Variants in CFAP299 observed in about 807,000 individuals in gnomAD.
The protein encoded by CFAP299 is cilia and flagella associated protein 299.
A neutral mutation model predicts 27.0 loss-of-function variants in CFAP299; 21 were observed. That is an observed-to-expected ratio of 0.78 (90% CI 0.55 to 1.12). CFAP299 has a LOEUF of 1.12. Ranked by LOEUF, CFAP299 falls within the 50% of genes most tolerant of loss-of-function variation. CFAP299 has a pLI of 0.00. For missense variants in CFAP299, 310 were observed against 276.6 expected (o/e 1.12, Z -0.86); for synonymous variants, 104 against 98.1 (o/e 1.06, Z -0.36).
At chr4:80,598,693 T>C (rs1284077119) in intron 3 of CFAP299, among the ~76,000 whole-genome samples, 1 of 152,198 alleles carries the variant, frequency 6.6e-6, no homozygotes, top group Non-Finnish European at 1.5e-5. Context: ...CCAGATACTA[T>C]AGGATTATAT....
intron 3 of CFAP299, among the ~76,000 whole-genome samples, chr4:80,858,919 A>G (rs1332620106): frequency 6.6e-6 from 1 of 151,816 alleles, no homozygotes; most frequent in East Asian, 1.9e-4. Flanking sequence ...GTAGATGTCT[A>G]TTAGGTCCGC....
rs1039748566 is a variant in CFAP299, at chr4:80,631,600, A to C, written c.333+48417A>C. On this transcript the variant is annotated intron_variant, in intron 3 of 5. Coordinates refer to ENST00000358105, the MANE Select transcript of CFAP299 (RefSeq NM_152770.3). ...GGCTGTATCTTACATTTTGAAAAAGAGAAGGTACTTCATTTTGTCTCTTAC... is the reference window on the plus strand; with the variant it reads ...GGCTGTATCTTACATTTTGAAAAAGCGAAGGTACTTCATTTTGTCTCTTAC... Among the ~76,000 whole-genome samples, 3 of 152,156 alleles carry C rather than the reference A, an allele frequency of 2.0e-5. No individual in the cohort carries two copies. In the East Asian group the frequency reaches 5.8e-4, roughly 29 times the overall value.
intron 2 of CFAP299, among the ~76,000 whole-genome samples, chr4:80,443,466 G>A (rs1050558698): frequency 2.6e-5 from 4 of 152,088 alleles, no homozygotes; most frequent in Non-Finnish European, 4.4e-5. Context: ...AAAGGCCTTC[G>A]ATAAAATTCA....
chr4:80,865,667 A>T (rs1732680123), intron 3 of CFAP299, among the ~76,000 whole-genome samples: 1 of 152,102 alleles, frequency 6.6e-6, no homozygotes. Context: ...TTCACTAAAA[A>T]GTCTTCTTAA....
intron 2 of CFAP299, among the ~76,000 whole-genome samples, chr4:80,515,087 T>A (rs1732516148): frequency 6.6e-6 from 1 of 152,112 alleles, no homozygotes; most frequent in South Asian, 2.1e-4. Context: ...CATGCAGAAA[T>A]TTTAGCATCT....
chr4:80,679,273 C>T (rs529429727), intron 3 of CFAP299, among the ~76,000 whole-genome samples: 1 of 151,982 alleles, frequency 6.6e-6, no homozygotes, highest in African/African-American at 2.4e-5. Flanking sequence ...AGTAGTATTC[C>T]ATTGTGTCGT....
At chr4:80,605,333 C>G (rs1019499050) in intron 3 of CFAP299, among the ~76,000 whole-genome samples, 1 of 152,028 alleles carries the variant, frequency 6.6e-6, no homozygotes, top group Admixed American at 6.6e-5. Context: ...AAAAAGTGGC[C>G]TGATGGGAGG....
chr4:80,579,143 T>C (rs1372830692), intron 2 of CFAP299, among the ~76,000 whole-genome samples: 1 of 152,154 alleles, frequency 6.6e-6, no homozygotes, highest in Non-Finnish European at 1.5e-5. Context: ...TATTCTGAAA[T>C]ATCAGGGACC....
At chr4:80,547,427 C>T (rs967422930) in intron 2 of CFAP299, among the ~76,000 whole-genome samples, 1 of 151,962 alleles carries the variant, frequency 6.6e-6, no homozygotes, top group South Asian at 2.1e-4. Flanking sequence ...TTTAAAAAAT[C>T]CCTAGAAGAA....
chr4:80,508,758 A>C (rs1380988892), intron 2 of CFAP299, among the ~76,000 whole-genome samples: 2 of 152,148 alleles, frequency 1.3e-5, no homozygotes, highest in African/African-American at 4.8e-5. Flanking sequence ...AGGTCCCACC[A>C]TAATGTCCAG....
chr4:80,369,354 C>T (rs181904755), intron 2 of CFAP299, among the ~76,000 whole-genome samples: 26 of 152,272 alleles, frequency 1.7e-4, no homozygotes, highest in Middle Eastern at 3.4e-3. Flanking sequence ...GAGCTACCGC[C>T]CCTATCATTT....
chr4:80,858,393 T>C (rs1732071905), intron 3 of CFAP299, among the ~76,000 whole-genome samples: 1 of 152,184 alleles, frequency 6.6e-6, no homozygotes, highest in African/African-American at 2.4e-5. Context: ...AGGGTTTTTT[T>C]GTATCTCTAT....
intron 3 of CFAP299, among the ~76,000 whole-genome samples, chr4:80,771,489 A>G (rs1726214347): frequency 9.8e-6 from 1 of 101,664 alleles, no homozygotes; most frequent in Non-Finnish European, 2.0e-5. Context: ...CAAATAATGA[A>G]AACTAGTTAT....
intron 3 of CFAP299, among the ~76,000 whole-genome samples, chr4:80,721,713 G>C (rs2110046131): frequency 6.6e-6 from 1 of 152,232 alleles, no homozygotes. Flanking sequence ...AGAAATAGGA[G>C]AGGGAAGGGA....
intron 3 of CFAP299, among the ~76,000 whole-genome samples, chr4:80,717,469 G>A (rs573496465): frequency 6.6e-6 from 1 of 152,208 alleles, no homozygotes; most frequent in East Asian, 1.9e-4. Context: ...ATAAATTCAG[G>A]TCAGCAGAAA....
In CFAP299 at chr4:80,870,056, G is replaced by GC; in HGVS notation, c.400dup (p.His134ProfsTer9). The GC allele has an allele frequency of 6.2e-7, 1 of 1,613,736 alleles. No individual in the cohort carries two copies. The highest frequency in any genetic ancestry group is 1.1e-5 in the South Asian group (1 of 91,046). On this transcript the variant is annotated frameshift_variant, in exon 4 of 6. Coordinates refer to ENST00000358105, the MANE Select transcript of CFAP299 (RefSeq NM_152770.3). LOFTEE classifies it high-confidence loss of function. ...AGAGATATCAGGATACATCGACTAT[G>GC]CCCACAGGCTAAAGACGGAAGATTT... is the stretch of plus-strand genomic sequence containing the variant.
At chr4:80,331,566 T>C (rs533997307), upstream of CFAP299, among the ~76,000 whole-genome samples, 1 of 152,136 alleles carries the variant, frequency 6.6e-6, no homozygotes, top group East Asian at 1.9e-4. Flanking sequence ...AATTGAGAGG[T>C]GGAAATAACA....
intron 3 of CFAP299, among the ~76,000 whole-genome samples, chr4:80,723,799 G>A (rs1291033016): frequency 6.6e-6 from 1 of 151,982 alleles, no homozygotes; most frequent in Non-Finnish European, 1.5e-5. Flanking sequence ...AAGAAACCTA[G>A]ATAAAAAGGG....
In CFAP299 at chr4:80,871,476, G is replaced by A. The variant is rs1437579953; in HGVS notation, c.476+1341G>A. The stretch of plus-strand genomic sequence containing the variant: ...ACTTATGGTTTCCAAACTCAATTGA[G>A]TCCTTTATGATTCTTAAAACTTATG... On this transcript the variant is annotated intron_variant, in intron 4 of 5. Transcript: ENST00000358105. 4.1e-6 allele frequency: 4 copies of A among 985,234 alleles called. No homozygotes were observed. The African/African-American group carries it at 5.2e-5, about 13-fold the overall frequency. The allele number at this position is 985,234 out of a possible 1,614,324, so 61.0% of individuals were successfully genotyped here.
Sources: allele counts gnomAD v4.1 joint callset (sites outside exome capture counted in the v4.1 genomes callset), GRCh38; gene constraint gnomAD v4.1.1; transcripts MANE v1.5; gene names NCBI Gene and HGNC (gene_info 2026-07-23, HGNC 2026-07-21).